The following RSU1 variants were observed in gnomAD, a reference collection of about 807,000 sequenced individuals.
RSU1 encodes the protein Ras suppressor protein 1.
In RSU1, 26 loss-of-function variants were observed where a neutral mutation model predicts 31.1. The ratio of observed to expected loss-of-function variants is 0.84; its 90% confidence interval spans 0.61 to 1.16. RSU1 has a LOEUF of 1.16. RSU1 is among the 50% of genes most tolerant of loss of function. The pLI, the probability that RSU1 is intolerant of heterozygous loss-of-function variation, is 0.00. For synonymous variants in RSU1, 164 were observed against 136.3 expected, an observed-to-expected ratio of 1.20 and a Z score of -1.41; for missense variants, 320 against 339.1, an observed-to-expected ratio of 0.94 and a Z score of 0.44.
intron 8 of RSU1, among the ~76,000 whole-genome samples, chr10:16,647,560 T>C (rs893450364): frequency 2.6e-5 from 4 of 152,124 alleles, no homozygotes; most frequent in African/African-American, 9.7e-5. Flanking sequence ...TATTCAGACA[T>C]AAAAAGGAAT....
At chr10:16,609,813 GTGAGT>G (rs1027706461) in intron 8 of RSU1, among the ~76,000 whole-genome samples, 1 of 152,198 alleles carries the variant, frequency 6.6e-6, no homozygotes, top group African/African-American at 2.4e-5. Context: ...AATACCTCGA[GTGAGT>G]TAAGTTCTCT....
chr10:16,776,490 T>G (rs1413806925), intron 3 of RSU1, among the ~76,000 whole-genome samples: 4 of 149,850 alleles, frequency 2.7e-5, no homozygotes, highest in Non-Finnish European at 4.4e-5. Flanking sequence ...ATAGTGTATA[T>G]TAAAAAAAAA....
intron 7 of RSU1, among the ~76,000 whole-genome samples, chr10:16,738,446 G>A (rs947213042): frequency 5.9e-5 from 9 of 151,910 alleles, no homozygotes; most frequent in East Asian, 3.9e-4. Flanking sequence ...GCAAGACTCT[G>A]TCTCAAAAAA....
At chr10:16,811,087 A>G (rs965337296) in intron 2 of RSU1, among the ~76,000 whole-genome samples, 7 of 152,156 alleles carry the variant, frequency 4.6e-5, no homozygotes, top group Non-Finnish European at 7.3e-5. Flanking sequence ...ATAATGTACT[A>G]TATTTTTACT....
chr10:16,710,128 TATG>T (rs1326595821), intron 7 of RSU1, among the ~76,000 whole-genome samples: 3 of 152,192 alleles, frequency 2.0e-5, no homozygotes, highest in African/African-American at 7.2e-5. Flanking sequence ...CCTCATTCAG[TATG>T]ATGTCAGCTG....
chr10:16,719,101 A>C (rs1588491154), intron 7 of RSU1, among the ~76,000 whole-genome samples: 1 of 152,098 alleles, frequency 6.6e-6, no homozygotes, highest in Non-Finnish European at 1.5e-5. Context: ...TGACGGCAGG[A>C]GTTGAAGACA....
chr10:16,700,720 T>C (rs1004363192), intron 7 of RSU1, among the ~76,000 whole-genome samples: 1 of 152,228 alleles, frequency 6.6e-6, no homozygotes, highest in Non-Finnish European at 1.5e-5. Context: ...GCCTATAAAA[T>C]GCTCATATTG....
At chr10:16,639,448 A>T (rs1402278908) in intron 8 of RSU1, among the ~76,000 whole-genome samples, 1 of 152,242 alleles carries the variant, frequency 6.6e-6, no homozygotes, top group Non-Finnish European at 1.5e-5. Context: ...GTTCTAAGGC[A>T]ATCCTATTGA....
intron 7 of RSU1, among the ~76,000 whole-genome samples, chr10:16,722,849 CACACATATATACAT>C: frequency 1.1e-5 from 1 of 93,830 alleles, no homozygotes; most frequent in African/African-American, 3.3e-5. Context: ...TGTATATATA[CACACATATATACAT>C]ATATGTATAT....
chr10:16,706,249 A>T (rs1835899646), intron 7 of RSU1, among the ~76,000 whole-genome samples: 1 of 152,240 alleles, frequency 6.6e-6, no homozygotes, highest in Non-Finnish European at 1.5e-5. Flanking sequence ...AAGGGTTCCC[A>T]ACCTCATCTT....
intron 8 of RSU1, among the ~76,000 whole-genome samples, chr10:16,652,464 A>T (rs990476577): frequency 6.6e-6 from 1 of 150,604 alleles, no homozygotes; most frequent in Non-Finnish European, 1.5e-5. Flanking sequence ...AACATTTCCC[A>T]AACTTTCCAG....
intron 4 of RSU1, among the ~76,000 whole-genome samples, chr10:16,757,740 C>T (rs1239178727): frequency 6.6e-6 from 1 of 152,144 alleles, no homozygotes; most frequent in African/African-American, 2.4e-5. Context: ...TGCTCCAGAC[C>T]CTTGGGCTCT....
Position 16,790,834 on chromosome 10 carries a change from C to G in RSU1, c.110-8750G>C, listed in dbSNP as rs927713029. ...TTCTCTCTTTCTCCTGCTCCCATCA[C>G]GAAGACGTGATTTCTTCCCCTTCGC... On this transcript the variant is annotated intron_variant, in intron 2 of 8. Coordinates refer to ENST00000345264, the MANE Select transcript of RSU1 (RefSeq NM_012425.4). Among the ~76,000 whole-genome samples the G allele has an allele frequency of 3.3e-5, 5 of 152,124 alleles. No homozygotes were observed. In the South Asian group the frequency reaches 1.0e-3, roughly 32 times the overall value.
intron 8 of RSU1, among the ~76,000 whole-genome samples, chr10:16,683,889 AG>A (rs1279194317): frequency 6.6e-6 from 1 of 152,236 alleles, no homozygotes; most frequent in Admixed American, 6.5e-5. Context: ...TGGGTCTTCT[AG>A]GCTTTAGGTA....
chr10:16,756,690 T>A (rs551057081), intron 4 of RSU1, among the ~76,000 whole-genome samples: 248 of 152,346 alleles, frequency 1.6e-3, no homozygotes, highest in African/African-American at 5.1e-3. Flanking sequence ...CAGCCAACTG[T>A]AGGCTATTAG....
chr10:16,648,775 T>C (rs1834625369), intron 8 of RSU1, among the ~76,000 whole-genome samples: 1 of 105,438 alleles, frequency 9.5e-6, no homozygotes, highest in Non-Finnish European at 2.0e-5. Context: ...ACCAAGATAC[T>C]TTAAATAAAT....
At chr10:16,719,027 G>T (rs1190405118) in intron 7 of RSU1, among the ~76,000 whole-genome samples, 1 of 151,166 alleles carries the variant, frequency 6.6e-6, no homozygotes, top group Admixed American at 6.6e-5. Flanking sequence ...TAAGGCTCAT[G>T]CCTGTAATCC....
intron 8 of RSU1, among the ~76,000 whole-genome samples, chr10:16,689,130 T>C (rs1382333109): frequency 1.3e-5 from 2 of 152,048 alleles, no homozygotes; most frequent in African/African-American, 4.8e-5. Flanking sequence ...AAAAGAAGAG[T>C]CTACATTGTT....
At chr10:16,752,741 T>A in intron 6 of RSU1, 88 bp from the exon 7 acceptor site, 2 of 1,095,022 alleles carry the variant, frequency 1.8e-6, no homozygotes, top group Non-Finnish European at 2.8e-6. Context: ...TCTCTTCTAC[T>A]AAAGCTCAAT....
Sources: gnomAD v4.1 joint callset for allele counts (sites outside exome capture counted in the v4.1 genomes callset) on GRCh38, gnomAD v4.1.1 for gene constraint, MANE v1.5 for transcripts, NCBI Gene and HGNC (gene_info 2026-07-23, HGNC 2026-07-21) for gene names.